CSMD1: variants seen among roughly 807,000 people sequenced by gnomAD.
CSMD1 encodes CUB and Sushi multiple domains 1.
A neutral mutation model predicts 417.5 loss-of-function variants in CSMD1; 213 were observed. The observed-to-expected ratio is 0.51, with a 90% CI of 0.46 to 0.57. The LOEUF is 0.57. CSMD1 is among the 20% of genes least tolerant of loss of function. The pLI, the probability that CSMD1 is intolerant of heterozygous loss-of-function variation, is 0.00. For missense variants in CSMD1, 6,923 were observed against 4,529.7 expected (o/e 1.53, Z -15.17); for synonymous variants, 2,862 against 1,736.8 (o/e 1.65, Z -16.11).
chr8:4,832,419 T>A (rs1017386452), intron 1 of CSMD1, among the ~76,000 whole-genome samples: 2 of 152,110 alleles, frequency 1.3e-5, no homozygotes, highest in African/African-American at 4.8e-5. Flanking sequence ...ACTAAGAGCA[T>A]CAGGAAGACT....
rs78825244 is a variant in CSMD1 at position 4,263,862 on chromosome 8, G to C, written c.415+156091C>G. On this transcript the variant is annotated intron_variant, in intron 3 of 69. Transcript: ENST00000635120. ...AGCACTCAAAAACATTAACTTATTT[G>C]TGTTTTGACCAGAATGCTCAGAACA... 6.0e-3 allele frequency among the ~76,000 whole-genome samples: 908 copies of C among 152,172 alleles called. 6 individuals carry two copies. Among genetic ancestry groups the C allele is most frequent in the Middle Eastern group, 0.02 (6 of 294 alleles).
chr8:4,510,623 C>T (rs949699692), intron 2 of CSMD1, among the ~76,000 whole-genome samples: 1 of 148,296 alleles, frequency 6.7e-6, no homozygotes, highest in Non-Finnish European at 1.5e-5. Context: ...CTCCTCCCTT[C>T]CTTCCCTCTC....
At chr8:3,092,148 T>G (rs747278877) in intron 47 of CSMD1, among the ~76,000 whole-genome samples, 69 of 152,146 alleles carry the variant, frequency 4.5e-4, no homozygotes, top group Non-Finnish European at 8.5e-4. Context: ...ACATGTGTAT[T>G]CTAACACTAT....
At chr8:3,113,152 G>C (rs1816633860) in intron 42 of CSMD1, 2 of 152,234 alleles carry the variant, frequency 1.3e-5, no homozygotes, top group African/African-American at 4.8e-5. Context: ...GTGGAGTCTG[G>C]ACTGAGATCA....
At chr8:4,362,195 C>G (rs118103095) in intron 3 of CSMD1, among the ~76,000 whole-genome samples, 1 of 152,086 alleles carries the variant, frequency 6.6e-6, no homozygotes, top group African/African-American at 2.4e-5. Context: ...TCCATTACAT[C>G]TGTATTTTCC....
At chr8:4,307,496 T>G (rs1409463576) in intron 3 of CSMD1, among the ~76,000 whole-genome samples, 1 of 152,118 alleles carries the variant, frequency 6.6e-6, no homozygotes, top group Non-Finnish European at 1.5e-5. Context: ...AAATAAAACT[T>G]CACTACCCTG....
chr8:3,872,031 T>A (rs1805513952), intron 5 of CSMD1, among the ~76,000 whole-genome samples: 1 of 152,216 alleles, frequency 6.6e-6, no homozygotes, highest in Admixed American at 6.5e-5. Context: ...GTTAACACAT[T>A]ATTTTGGATA....
chr8:4,390,918 A>G (rs1288381190), intron 3 of CSMD1, among the ~76,000 whole-genome samples: 1 of 152,202 alleles, frequency 6.6e-6, no homozygotes, highest in East Asian at 1.9e-4. Context: ...AAAGGTAGTT[A>G]TCAGTAGAAA....
chr8:4,001,790 G>C (rs1389040659), intron 4 of CSMD1, among the ~76,000 whole-genome samples: 1 of 152,112 alleles, frequency 6.6e-6, no homozygotes, highest in Admixed American at 6.5e-5. Context: ...CAGACAAGTG[G>C]TGAAATTTAA....
intron 18 of CSMD1, among the ~76,000 whole-genome samples, chr8:3,371,720 G>C (rs1809961802): frequency 6.6e-6 from 1 of 152,050 alleles, no homozygotes; most frequent in Admixed American, 6.5e-5. Flanking sequence ...CATCTTAAGG[G>C]AACAAATCAT....
chr8:3,458,023 T>C (rs1225836659), intron 12 of CSMD1, among the ~76,000 whole-genome samples: 4 of 152,230 alleles, frequency 2.6e-5, no homozygotes, highest in African/African-American at 4.8e-5. Context: ...AATATCATTA[T>C]CAGAACTTTC....
chr8:3,229,863 C>G (rs1798731137), intron 27 of CSMD1, among the ~76,000 whole-genome samples, 177 bp downstream of exon 27: 1 of 152,038 alleles, frequency 6.6e-6, no homozygotes, highest in Admixed American at 6.6e-5. Flanking sequence ...TTTATTCTAC[C>G]TCATAAAATA....
chr8:3,182,891 TGTGTGTATTGTTAGTAGAGAAGGG>T lies in CSMD1; in HGVS notation c.5621-1701_5621-1678del, dbSNP rs1296298355. ...GTGTGTGTGTGTGTGTGTGTGTGTG[TGTGTGTATTGTTAGTAGAGAAGGG>T]GTTGTTAGTAGAGAAGGGGTTGTTA... On this transcript the variant is annotated intron_variant, in intron 36 of 69. Transcript: ENST00000635120. 250 of 142,840 alleles carry T rather than the reference TGTGTGTATTGTTAGTAGAGAAGGG, an allele frequency of 1.8e-3. 1 individual carries two copies. The highest frequency in any genetic ancestry group is 6.7e-3 in the African/African-American group (242 of 36,156). The allele number at this position is 142,840 out of a possible 1,614,324, so 8.8% of individuals were successfully genotyped here.
chr8:4,456,882 G>C (rs149948745), intron 2 of CSMD1, among the ~76,000 whole-genome samples: 22 of 151,036 alleles, frequency 1.5e-4, no homozygotes, highest in African/African-American at 5.1e-4. Flanking sequence ...TTCAAAGGGA[G>C]AACACACCCG....
rs182897598 is a variant in CSMD1, at chr8:4,708,785, A to T, written c.86-71227T>A. Among the ~76,000 whole-genome samples the T allele has an allele frequency of 1.4e-4, 21 of 152,228 alleles. No individual in the cohort carries two copies. In the East Asian group the frequency reaches 3.5e-3, roughly 25 times the overall value. On this transcript the variant is annotated intron_variant, in intron 1 of 69. Coordinates refer to ENST00000635120, the MANE Select transcript of CSMD1 (RefSeq NM_033225.6). ...GCATGGGACTATATTTGGAGAGAAG[A>T]TTTTGTAATAGATGTTTAAATTAAA... is the stretch of plus-strand genomic sequence containing the variant.
chr8:4,380,588 A>G (rs1422525338), intron 3 of CSMD1, among the ~76,000 whole-genome samples: 1 of 152,170 alleles, frequency 6.6e-6, no homozygotes, highest in Non-Finnish European at 1.5e-5. Context: ...GAATGAGAAC[A>G]TTAGGTGAAA....
chr8:4,616,642 C>T (rs1452697342), intron 2 of CSMD1, among the ~76,000 whole-genome samples: 1 of 152,212 alleles, frequency 6.6e-6, no homozygotes, highest in Admixed American at 6.5e-5. Context: ...TGACATTGGA[C>T]ATGCCAACGC....
At chr8:4,301,844 A>T (rs1325947535) in intron 3 of CSMD1, among the ~76,000 whole-genome samples, 1 of 151,376 alleles carries the variant, frequency 6.6e-6, no homozygotes, top group Non-Finnish European at 1.5e-5. Context: ...AGCATCGGTG[A>T]TTTCACCATT....
At chr8:4,103,674 A>G (rs1408378695) in intron 3 of CSMD1, among the ~76,000 whole-genome samples, 1 of 152,148 alleles carries the variant, frequency 6.6e-6, no homozygotes, top group Non-Finnish European at 1.5e-5. Flanking sequence ...ACATTTTTAC[A>G]TGATTATAAA....
Sources: gnomAD v4.1 joint callset for allele counts (sites outside exome capture counted in the v4.1 genomes callset) on GRCh38, gnomAD v4.1.1 for gene constraint, MANE v1.5 for transcripts, NCBI Gene and HGNC (gene_info 2026-07-23, HGNC 2026-07-21) for gene names.